The following CTNNA3 variants were observed in gnomAD, a reference collection of about 807,000 sequenced individuals.
The protein encoded by CTNNA3 is catenin alpha 3.
CTNNA3 carries 76 observed loss-of-function variants against 95.7 expected under a neutral mutation model. That is an observed-to-expected ratio of 0.79 (90% confidence interval 0.66 to 0.96). CTNNA3 has a LOEUF of 0.96. CTNNA3 is among the 40% of genes least tolerant of loss of function. The pLI is 0.00. For missense variants in CTNNA3, 1,191 were observed against 1,089.8 expected, an observed-to-expected ratio of 1.09 and a Z score of -1.31; for synonymous variants, 431 against 374.4, an observed-to-expected ratio of 1.15 and a Z score of -1.74.
Position 65,981,349 on chromosome 10 carries a change from C to T in CTNNA3, c.2265+7343G>A, listed in dbSNP as rs772576738. Among the ~76,000 whole-genome samples, 10 of 151,784 alleles carry T rather than the reference C, an allele frequency of 6.6e-5. No homozygotes were observed. The East Asian group carries it at 7.7e-4, about 12-fold the overall frequency. ...AAACACTGCTGAAAGAAATAACAGG[C>T]GACAGAAACAAATGGAAACACTCCC... On this transcript the variant is annotated intron_variant, in intron 16 of 17. Coordinates refer to ENST00000433211, the MANE Select transcript of CTNNA3 (RefSeq NM_013266.4).
upstream of CTNNA3, among the ~76,000 whole-genome samples, chr10:67,701,115 TG>T (rs1841035619): frequency 6.6e-6 from 1 of 152,132 alleles, no homozygotes; most frequent in Admixed American, 6.5e-5. Flanking sequence ...CCAAGAAATA[TG>T]GGACTATGTG....
chr10:66,841,500 T>A (rs1051083066), intron 7 of CTNNA3, among the ~76,000 whole-genome samples: 9 of 152,198 alleles, frequency 5.9e-5, no homozygotes, highest in African/African-American at 2.2e-4. Flanking sequence ...AGTAGCTGCA[T>A]TAAATAAATT....
At chr10:67,055,989 G>C (rs2133202306) in intron 7 of CTNNA3, among the ~76,000 whole-genome samples, 1 of 152,104 alleles carries the variant, frequency 6.6e-6, no homozygotes, top group Non-Finnish European at 1.5e-5. Flanking sequence ...CTGTACTCTT[G>C]CCTCACCTCT....
At chr10:66,272,731 A>C (rs1245155967) in intron 13 of CTNNA3, among the ~76,000 whole-genome samples, 2 of 152,070 alleles carry the variant, frequency 1.3e-5, no homozygotes, top group Non-Finnish European at 1.5e-5. Flanking sequence ...TTTTAAACTC[A>C]CTTAGCATAT....
intron 5 of CTNNA3, among the ~76,000 whole-genome samples, chr10:67,313,323 T>C (rs1840894612): frequency 6.6e-6 from 1 of 151,806 alleles, no homozygotes; most frequent in African/African-American, 2.4e-5. Flanking sequence ...TCCCAGCTAC[T>C]CAGGAGGCTG....
chr10:67,060,645 CTT>C (rs1399670911), intron 7 of CTNNA3, among the ~76,000 whole-genome samples: 2 of 152,006 alleles, frequency 1.3e-5, no homozygotes, highest in Non-Finnish European at 2.9e-5. Flanking sequence ...GGCAGTTTCT[CTT>C]TCTTTACCAT....
At chr10:66,173,803 T>C (rs10996950) in intron 13 of CTNNA3, among the ~76,000 whole-genome samples, 62,168 of 152,056 alleles carry the variant, frequency 0.41, 13,843 homozygotes, top group African/African-American at 0.59. Context: ...TAACCATATT[T>C]ATATTCATAG....
chr10:66,626,756 A>G (rs10997265), intron 9 of CTNNA3, among the ~76,000 whole-genome samples: 3,302 of 152,268 alleles, frequency 0.022, 233 homozygotes, highest in East Asian at 0.15. Flanking sequence ...TAGAATCACC[A>G]GTAAATAGCT....
chr10:66,508,108 A>C (rs1019349037), intron 11 of CTNNA3, among the ~76,000 whole-genome samples: 1 of 151,276 alleles, frequency 6.6e-6, no homozygotes, highest in African/African-American at 2.4e-5. Flanking sequence ...AGTGATGTTG[A>C]GCATAATAAA....
chr10:67,267,609 A>C (rs541022385), intron 5 of CTNNA3, among the ~76,000 whole-genome samples: 2 of 152,170 alleles, frequency 1.3e-5, no homozygotes, highest in Non-Finnish European at 1.5e-5. Flanking sequence ...CTCGTGATCC[A>C]CCCACCTCGG....
At chr10:67,394,433 G>A (rs1425388423) in intron 5 of CTNNA3, among the ~76,000 whole-genome samples, 1 of 151,978 alleles carries the variant, frequency 6.6e-6, no homozygotes, top group Non-Finnish European at 1.5e-5. Context: ...ACAGCTATAA[G>A]AGGCATGTTT....
At chr10:67,389,244 A>G (rs1232972929) in intron 5 of CTNNA3, among the ~76,000 whole-genome samples, 570 of 129,760 alleles carry the variant, frequency 4.4e-3, no homozygotes, top group South Asian at 9.0e-3. Context: ...AAACAAAAAA[A>G]GGCAGGGGTT....
chr10:66,710,060 A>C (rs1848243297), intron 9 of CTNNA3, among the ~76,000 whole-genome samples: 1 of 152,196 alleles, frequency 6.6e-6, no homozygotes, highest in African/African-American at 2.4e-5. Flanking sequence ...GCGACATAGA[A>C]TGTTGAAACT....
chr10:67,414,869 A>G (rs887544542), intron 5 of CTNNA3, among the ~76,000 whole-genome samples: 26 of 152,236 alleles, frequency 1.7e-4, no homozygotes, highest in African/African-American at 6.3e-4. Flanking sequence ...CATGTTGCAA[A>G]TCAACAAACA....
intron 17 of CTNNA3, among the ~76,000 whole-genome samples, chr10:65,922,342 A>AT (rs1396239155): frequency 2.6e-5 from 4 of 152,130 alleles, no homozygotes; most frequent in Admixed American, 1.3e-4. Flanking sequence ...TTGCCAATGC[A>AT]TTTTGTTAGG....
At chr10:67,168,773 T>C (rs934186295) in intron 7 of CTNNA3, among the ~76,000 whole-genome samples, 2 of 152,166 alleles carry the variant, frequency 1.3e-5, no homozygotes, top group Non-Finnish European at 2.9e-5. Flanking sequence ...ATTAGAAGTC[T>C]AAGCCAAAGC....
chr10:67,373,330 C>T (rs1156334369), intron 5 of CTNNA3, among the ~76,000 whole-genome samples: 1 of 152,122 alleles, frequency 6.6e-6, no homozygotes, highest in Non-Finnish European at 1.5e-5. Flanking sequence ...CAATCTTAGT[C>T]TCTGATAAAA....
chr10:67,456,238 A>T (rs978798862), intron 5 of CTNNA3, among the ~76,000 whole-genome samples: 6 of 152,184 alleles, frequency 3.9e-5, no homozygotes, highest in African/African-American at 1.4e-4. Flanking sequence ...GAGAATTAAG[A>T]GGCTCTTATC....
At chr10:66,477,365 T>A (rs970126157) in intron 11 of CTNNA3, among the ~76,000 whole-genome samples, 2 of 152,096 alleles carry the variant, frequency 1.3e-5, no homozygotes, top group African/African-American at 2.4e-5. Context: ...GTATCTATCA[T>A]GCAAAAATTG....
Sources: gnomAD v4.1 joint callset for allele counts (sites outside exome capture counted in the v4.1 genomes callset) on GRCh38, gnomAD v4.1.1 for gene constraint, MANE v1.5 for transcripts, NCBI Gene and HGNC (gene_info 2026-07-23, HGNC 2026-07-21) for gene names.